The following IFT122 variants were observed in gnomAD, a reference collection of about 807,000 sequenced individuals.
The protein encoded by IFT122 is intraflagellar transport 122.
In IFT122, 118 loss-of-function variants were observed where a neutral mutation model predicts 161.6. The ratio of observed to expected loss-of-function variants is 0.73; its 90% CI spans 0.63 to 0.85. The LOEUF is 0.85. Among genes scored for constraint, IFT122 ranks in the 40% least tolerant of loss-of-function variants. The pLI is 0.00. For missense variants in IFT122, 1,381 were observed against 1,579.6 expected (o/e 0.87, Z 2.13); for synonymous variants, 550 against 602.4 (o/e 0.91, Z 1.27).
intron 8 of IFT122, among the ~76,000 whole-genome samples, chr3:129,467,380 A>G (rs1345372766): frequency 1.3e-5 from 2 of 152,210 alleles, no homozygotes; most frequent in African/African-American, 2.4e-5. Flanking sequence ...GTGTGTTCAT[A>G]TAATTAACTA....
chr3:129,470,870 G>T (rs549291228), intron 9 of IFT122, among the ~76,000 whole-genome samples: 45 of 152,350 alleles, frequency 3.0e-4, no homozygotes, highest in Admixed American at 1.3e-3. Flanking sequence ...ACCACGCCTG[G>T]CTGGAGATGT....
chr3:129,486,542 A>G lies in IFT122; in HGVS notation c.1852-1715A>G, dbSNP rs199620413. Among the ~76,000 whole-genome samples the G allele has an allele frequency of 1.2e-4, 19 of 152,350 alleles. No individual in the cohort carries two copies. The East Asian group carries it at 2.7e-3, about 22-fold the overall frequency. On this transcript the variant is annotated intron_variant, in intron 15 of 29. Coordinates refer to ENST00000348417, the MANE Select transcript of IFT122 (RefSeq NM_052989.3). Reference sequence around the variant, plus strand: ...ATTGTGTGCTTTAAGAAAAGCTTTCAGGAGTTTGAGAAAGCTTCCAGGAGA... The same window carrying G: ...ATTGTGTGCTTTAAGAAAAGCTTTCGGGAGTTTGAGAAAGCTTCCAGGAGA...
chr3:129,503,391 T>C (rs750270933), intron 20 of IFT122, among the ~76,000 whole-genome samples: 4 of 152,102 alleles, frequency 2.6e-5, no homozygotes, highest in Non-Finnish European at 5.9e-5. Context: ...TTCTCTCTGG[T>C]GTCAGGGGCT....
At chr3:129,514,669 C>T (rs2083258968) in intron 25 of IFT122, 115 bp downstream of exon 25, 5 of 1,206,006 alleles carry the variant, frequency 4.1e-6, no homozygotes, top group South Asian at 1.2e-5. Context: ...TCCCTCTAGG[C>T]TCTGTGCCCC....
chr3:129,453,531 GAGCTGCAT>G (rs138005939), intron 3 of IFT122, among the ~76,000 whole-genome samples: 65 of 152,308 alleles, frequency 4.3e-4, no homozygotes, highest in African/African-American at 1.5e-3. Context: ...CAGCGATTTT[GAGCTGCAT>G]AGTTGTAGAG....
At chr3:129,480,599 G>T (rs930778300) in intron 13 of IFT122, among the ~76,000 whole-genome samples, 1 of 152,182 alleles carries the variant, frequency 6.6e-6, no homozygotes, top group African/African-American at 2.4e-5. Flanking sequence ...GAAGTCACAG[G>T]GCATGAGAGC....
chr3:129,481,362 G>A (rs2078616725), intron 13 of IFT122, 168 bp from the exon 14 acceptor site: 3 of 684,570 alleles, frequency 4.4e-6, no homozygotes, highest in African/African-American at 1.8e-5. Flanking sequence ...ATAAGCCATT[G>A]CCCCCCACCC....
chr3:129,476,793 A>G lies in IFT122; in HGVS notation c.1139A>G (p.Glu380Gly), dbSNP rs755060067. The part of the protein sequence containing the change: ...TDVIVQHLIT[E>G]QKVRIKCKEL... Reference sequence around the variant, plus strand: ...GTCATTGTGCAGCACCTGATCACTGAGCAGAAAGGTAAGAGGCAGGTCCAG... The same window carrying G: ...GTCATTGTGCAGCACCTGATCACTGGGCAGAAAGGTAAGAGGCAGGTCCAG... The change falls in exon 11 of 30, where the codon GAG becomes GGG. Residue 380 changes from glutamate to glycine, a missense_variant. Glu to Gly is a moderately conservative substitution (Grantham distance 98). Coordinates refer to ENST00000348417, the MANE Select transcript of IFT122 (RefSeq NM_052989.3). 88 of 1,614,184 alleles carry G rather than the reference A, an allele frequency of 5.5e-5. 1 individual carries two copies. The South Asian group carries it at 9.3e-4, about 17-fold the overall frequency.
chr3:129,498,995 T>A (rs2081221434), intron 18 of IFT122, among the ~76,000 whole-genome samples: 1 of 152,232 alleles, frequency 6.6e-6, no homozygotes. Context: ...CCAGAGAAGC[T>A]GGGCATACCA....
chr3:129,484,217 G>C (rs1057069949), intron 15 of IFT122, among the ~76,000 whole-genome samples: 3 of 152,034 alleles, frequency 2.0e-5, no homozygotes, highest in African/African-American at 7.2e-5. Context: ...CACAGAATGG[G>C]GGAGGGCAGA....
intron 9 of IFT122, among the ~76,000 whole-genome samples, chr3:129,475,242 A>G (rs566864008): frequency 6.6e-6 from 1 of 152,336 alleles, no homozygotes; most frequent in Admixed American, 6.5e-5. Flanking sequence ...GATAATTCGC[A>G]CTCACTAAAA....
At chr3:129,485,880 G>A (rs1387307105) in intron 15 of IFT122, among the ~76,000 whole-genome samples, 1 of 152,238 alleles carries the variant, frequency 6.6e-6, no homozygotes, top group Admixed American at 6.5e-5. Flanking sequence ...TTCATCTGTC[G>A]CCTCTGCCTC....
At position 129,519,746 on chromosome 3, in the gene IFT122, C is replaced by T; in HGVS notation, c.3636+14C>T. 6.2e-7 allele frequency: 1 copy of T among 1,613,186 alleles called. No individual in the cohort carries two copies. The highest frequency in any genetic ancestry group is 8.5e-7 in the Non-Finnish European group (1 of 1,179,988). On this transcript the variant is annotated intron_variant, in intron 29 of 29. Coordinates refer to ENST00000348417, the MANE Select transcript of IFT122 (RefSeq NM_052989.3). ...TCCTGCTTCCAGGTAGGTGGCCACC[C>T]TGGTAGCTCACATGTGCTTCTCTTG...
At chr3:129,514,679 C>A in intron 25 of IFT122, 125 bp downstream of exon 25, 1 of 1,089,764 alleles carries the variant, frequency 9.2e-7, no homozygotes, top group East Asian at 2.5e-5. Context: ...CTCTGTGCCC[C>A]CTGCTCAAGC....
At chr3:129,472,815 T>C (rs2077505231) in intron 9 of IFT122, among the ~76,000 whole-genome samples, 1 of 152,332 alleles carries the variant, frequency 6.6e-6, no homozygotes, top group East Asian at 1.9e-4. Flanking sequence ...ATTTCTGTTG[T>C]TCAGTATTAA....
At chr3:129,516,001 C>G (rs186776586) in intron 26 of IFT122, among the ~76,000 whole-genome samples, 1 of 151,904 alleles carries the variant, frequency 6.6e-6, no homozygotes, top group East Asian at 1.9e-4. Context: ...CAGACACACA[C>G]GCACACACAG....
At chr3:129,471,892 C>T (rs1460220546) in intron 9 of IFT122, among the ~76,000 whole-genome samples, 1 of 152,096 alleles carries the variant, frequency 6.6e-6, no homozygotes, top group Non-Finnish European at 1.5e-5. Flanking sequence ...GAATTCCAGG[C>T]ATTATATAAA....
In IFT122 at chr3:129,466,901, G is replaced by A. The variant is rs1402492516; in HGVS notation, c.575G>A (p.Ser192Asn). Residue 192 changes from serine to asparagine, a missense_variant, in exon 8 of 30, where the codon AGT becomes AAT. Ser to Asn is a conservative substitution (Grantham distance 46). Around this residue, in one of 7 missense-constraint regions of IFT122, gnomAD observed 544 missense variants for 648.0 expected, o/e 0.84. Coordinates refer to ENST00000348417, the MANE Select transcript of IFT122 (RefSeq NM_052989.3). ...CTTACTGTCTACAGCCGATGGGAGA[G>A]TTTCTGGATGAACAGAGAGAATGAG... ...ICWNPSSRWE[S>N]FWMNRENEDA... 1.2e-6 allele frequency: 2 copies of A among 1,614,018 alleles called. No individual in the cohort carries two copies. The highest frequency in any genetic ancestry group is 8.5e-7 in the Non-Finnish European group (1 of 1,179,944).
At chr3:129,462,993 T>C (rs2076347303) in intron 5 of IFT122, 1 of 154,234 alleles carries the variant, frequency 6.5e-6, no homozygotes, top group Admixed American at 6.4e-5. Context: ...ACAATGAAAC[T>C]GTCATTTCTT....
Sources: gnomAD v4.1 joint callset for allele counts (sites outside exome capture counted in the v4.1 genomes callset) on GRCh38, gnomAD v4.1.1 for gene constraint, gnomAD v4.1.1 regional missense constraint, MANE v1.5 for transcripts, NCBI Gene and HGNC (gene_info 2026-07-23, HGNC 2026-07-21) for gene names.